The following TMEM150C variants were observed in gnomAD, a reference collection of about 807,000 sequenced individuals.
The protein encoded by TMEM150C is tentonin 3.
TMEM150C carries 10 observed loss-of-function variants against 29.9 expected under a neutral mutation model. That is an observed-to-expected ratio of 0.33 (90% CI 0.21 to 0.57). The LOEUF (loss-of-function observed/expected upper bound fraction) is 0.57, where lower values mean the gene tolerates loss of function less well. Ranked by LOEUF, TMEM150C falls within the 20% of genes least tolerant of loss-of-function variation. TMEM150C has a pLI of 0.88. For missense variants in TMEM150C, 251 were observed against 303.6 expected (o/e 0.83, Z 1.29); for synonymous variants, 101 against 112.5 (o/e 0.90, Z 0.64).
chr4:82,518,086 C>A (rs6810750), intron 1 of TMEM150C, among the ~76,000 whole-genome samples: 1 of 152,074 alleles, frequency 6.6e-6, no homozygotes, highest in African/African-American at 2.4e-5. Flanking sequence ...GAGGCTGAGG[C>A]GGGCGGATCA....
In TMEM150C at chr4:82,507,719, CTCTCTCTCTTTTTTTTTTTTTTTTTTT is replaced by C. The variant is rs1276793518; in HGVS notation, c.-10-3079_-10-3053del. Among the ~76,000 whole-genome samples, 8 of 68,282 alleles carry C rather than the reference CTCTCTCTCTTTTTTTTTTTTTTTTTTT, an allele frequency of 1.2e-4. 1 individual carries two copies. The highest frequency in any genetic ancestry group is 5.7e-4 in the South Asian group (1 of 1,754). The allele number at this position is 68,282 out of a possible 152,430, so 44.8% of individuals were successfully genotyped here. ...ACAATATATTAAATTAACTCTCTCT[CTCTCTCTCTTTTTTTTTTTTTTTTTTT>C]TTTTTTTTTTTTTTTTTTTTGAGAC... On this transcript the variant is annotated intron_variant, in intron 1 of 7. Transcript: ENST00000449862.
chr4:82,511,472 A>ATTTTTTT (rs397935719), intron 1 of TMEM150C, among the ~76,000 whole-genome samples: 21,024 of 105,448 alleles, frequency 0.2, 2,915 homozygotes, highest in East Asian at 0.28. Flanking sequence ...TCCCAACACT[A>ATTTTTTT]TTTTTTTTTT....
chr4:82,490,067 CCA>C lies in TMEM150C; in HGVS notation c.533_534del (p.Val178GlyfsTer43). 6.2e-7 allele frequency: 1 copy of C among 1,613,814 alleles called. No homozygotes were observed. The highest frequency in any genetic ancestry group is 8.5e-7 in the Non-Finnish European group (1 of 1,179,804). The stretch of plus-strand genomic sequence containing the variant: ...TTTCACGTTCAAAGGATACAGAGGA[CCA>C]CACAGAGAGTGATAGATGCCGACAG... ...VILSASITLCVVLYFILMAQS... is the reference protein window; with the variant it reads ...VILSASITLCXVLYFILMAQS... On this transcript the variant is annotated frameshift_variant, in exon 7 of 8. Transcript: ENST00000449862. LOFTEE classifies it high-confidence loss of function.
chr4:82,486,356 A>G (rs935645281), intron 7 of TMEM150C, among the ~76,000 whole-genome samples: 2 of 150,978 alleles, frequency 1.3e-5, no homozygotes, highest in Admixed American at 6.6e-5. Flanking sequence ...AAAAAAAAAA[A>G]AAAAAAAGAA....
chr4:82,488,957 C>T (rs187242231), intron 7 of TMEM150C, among the ~76,000 whole-genome samples: 288 of 151,678 alleles, frequency 1.9e-3, no homozygotes, highest in Non-Finnish European at 3.4e-3. Context: ...CAGAGTCGAT[C>T]TTAGCTCGCT....
intron 1 of TMEM150C, among the ~76,000 whole-genome samples, chr4:82,522,869 A>G (rs1724531643): frequency 1.3e-5 from 2 of 152,236 alleles, no homozygotes; most frequent in African/African-American, 4.8e-5. Context: ...CAAAGACACC[A>G]GGGTGATCAG....
intron 1 of TMEM150C, among the ~76,000 whole-genome samples, chr4:82,546,030 A>C (rs367555950): frequency 1.4e-4 from 21 of 152,330 alleles, no homozygotes; most frequent in African/African-American, 5.1e-4. Flanking sequence ...TATCTAACCA[A>C]GGAGGTAAAC....
intron 6 of TMEM150C, 42 bp from the exon 7 acceptor site, chr4:82,490,280 C>A: frequency 6.4e-7 from 1 of 1,568,390 alleles, no homozygotes; most frequent in Non-Finnish European, 8.7e-7. Context: ...GCCCATTCAG[C>A]AAAGAAGACA....
intron 1 of TMEM150C, among the ~76,000 whole-genome samples, chr4:82,527,791 G>A (rs1560492723): frequency 6.6e-6 from 1 of 152,138 alleles, no homozygotes; most frequent in African/African-American, 2.4e-5. Flanking sequence ...TATACATCAT[G>A]GTTTTGCTTC....
At chr4:82,493,519 G>T (rs1007935185) in intron 6 of TMEM150C, among the ~76,000 whole-genome samples, 3 of 152,116 alleles carry the variant, frequency 2.0e-5, no homozygotes, top group Non-Finnish European at 2.9e-5. Flanking sequence ...TTATATTCCG[G>T]CAAACGTTCT....
chr4:82,507,777 C>A (rs1723988212), intron 1 of TMEM150C, among the ~76,000 whole-genome samples: 1 of 85,198 alleles, frequency 1.2e-5, no homozygotes. Context: ...GAGACACGAT[C>A]TCGCTTTGTC....
chr4:82,532,756 T>C (rs1560494431), intron 1 of TMEM150C, among the ~76,000 whole-genome samples: 1 of 149,326 alleles, frequency 6.7e-6, no homozygotes, highest in African/African-American at 2.5e-5. Context: ...TGAGACAGAG[T>C]CTCACTCTGC....
chr4:82,506,440 A>G (rs1200483350), intron 1 of TMEM150C, among the ~76,000 whole-genome samples: 1 of 151,454 alleles, frequency 6.6e-6, no homozygotes, highest in Non-Finnish European at 1.5e-5. Context: ...TAGTTTACAG[A>G]TCTAAATTAC....
At chr4:82,542,195 A>C (rs544651388) in intron 1 of TMEM150C, among the ~76,000 whole-genome samples, 1 of 152,344 alleles carries the variant, frequency 6.6e-6, no homozygotes, top group South Asian at 2.1e-4. Context: ...GCCAGTCAAT[A>C]TTTAGGAAAA....
At position 82,507,723 on chromosome 4, in the gene TMEM150C, CTCTCTTTTTTTTTTTTTTTTTTTTT is replaced by C. The variant is rs1723977380; in HGVS notation, c.-10-3081_-10-3057del. Among the ~76,000 whole-genome samples, 5 of 86,052 alleles carry C rather than the reference CTCTCTTTTTTTTTTTTTTTTTTTTT, an allele frequency of 5.8e-5. No individual in the cohort carries two copies. The South Asian group carries it at 2.1e-3, about 36-fold the overall frequency. The allele number at this position is 86,052 out of a possible 152,430, so 56.5% of individuals were successfully genotyped here. A position where few individuals can be genotyped will look rare whatever the true frequency, so the allele number is the denominator to read the frequency against. ...TATATTAAATTAACTCTCTCTCTCT[CTCTCTTTTTTTTTTTTTTTTTTTTT>C]TTTTTTTTTTTTTTTTTTGAGACAC... is the stretch of plus-strand genomic sequence containing the variant. On this transcript the variant is annotated intron_variant, in intron 1 of 7. Coordinates refer to ENST00000449862, the MANE Select transcript of TMEM150C (RefSeq NM_001080506.3).
intron 1 of TMEM150C, among the ~76,000 whole-genome samples, chr4:82,530,010 G>A (rs1406833392): frequency 6.6e-6 from 1 of 151,868 alleles, no homozygotes; most frequent in African/African-American, 2.4e-5. Context: ...CAGAGGACGG[G>A]CCCTCAGCCC....
intron 1 of TMEM150C, among the ~76,000 whole-genome samples, chr4:82,520,764 G>C (rs543796392): frequency 3.7e-4 from 56 of 152,256 alleles, no homozygotes; most frequent in African/African-American, 1.3e-3. Context: ...GGTGCCTGTA[G>C]TCCTAGTTAC....
chr4:82,552,598 T>C (rs1560501169), intron 1 of TMEM150C, among the ~76,000 whole-genome samples: 1 of 152,212 alleles, frequency 6.6e-6, no homozygotes, highest in African/African-American at 2.4e-5. Context: ...ACCTGTGATG[T>C]TGCCTAGCCA....
chr4:82,486,782 G>A (rs762017734), intron 7 of TMEM150C, among the ~76,000 whole-genome samples: 28 of 151,828 alleles, frequency 1.8e-4, no homozygotes, highest in Non-Finnish European at 3.7e-4. Context: ...TCTTATGCCT[G>A]GATATATATA....
Sources: gnomAD v4.1 joint callset for allele counts (sites outside exome capture counted in the v4.1 genomes callset) on GRCh38, gnomAD v4.1.1 for gene constraint, MANE v1.5 for transcripts, NCBI Gene and HGNC (gene_info 2026-07-23, HGNC 2026-07-21) for gene names.